SRGAP2C: variants seen among roughly 807,000 people sequenced by gnomAD.
The protein encoded by SRGAP2C is SLIT-ROBO Rho GTPase-activating protein 2C.
In SRGAP2C, 15 loss-of-function variants were observed where a neutral mutation model predicts 25.1. The ratio of observed to expected loss-of-function variants is 0.60; its 90% confidence interval spans 0.40 to 0.92. SRGAP2C has a LOEUF of 0.92. Ranked by LOEUF, SRGAP2C falls within the 40% of genes least tolerant of loss-of-function variation. The pLI, the probability that SRGAP2C is intolerant of heterozygous loss-of-function variation, is 0.00. For missense variants in SRGAP2C, 144 were observed against 264.4 expected, an observed-to-expected ratio of 0.54 and a Z score of 3.16; for synonymous variants, 44 against 96.6, an observed-to-expected ratio of 0.46 and a Z score of 3.19.
intron 4 of SRGAP2C, among the ~76,000 whole-genome samples, chr1:121,340,862 A>G (rs1314268435): frequency 9.1e-6 from 1 of 109,652 alleles, no homozygotes; most frequent in Non-Finnish European, 1.8e-5. Flanking sequence ...TCATGAGGAC[A>G]GTCTGACAGC....
intron 4 of SRGAP2C, among the ~76,000 whole-genome samples, chr1:121,349,221 A>G (rs1658841109): frequency 1.3e-5 from 2 of 152,016 alleles, no homozygotes; most frequent in Non-Finnish European, 2.9e-5. Context: ...TAATTCCAGG[A>G]CAGGGTAATA....
chr1:121,345,582 G>A (rs1479197801), intron 4 of SRGAP2C, among the ~76,000 whole-genome samples: 2 of 151,378 alleles, frequency 1.3e-5, no homozygotes, highest in African/African-American at 4.8e-5. Flanking sequence ...GAAAAATTCT[G>A]AAATGGGGGA....
chr1:121,186,691 C>CCCT (rs1260877053), intron 1 of SRGAP2C, among the ~76,000 whole-genome samples: 1 of 149,100 alleles, frequency 6.7e-6, no homozygotes, highest in African/African-American at 2.4e-5. Flanking sequence ...CCCGCGCAGG[C>CCCT]GGCTGCTCCA....
chr1:121,366,923 T>A (rs1659338425), intron 5 of SRGAP2C, among the ~76,000 whole-genome samples: 1 of 108,846 alleles, frequency 9.2e-6, no homozygotes, highest in Non-Finnish European at 2.0e-5. Context: ...CCTATGTCTC[T>A]TCATATGCTG....
At chr1:121,266,093 G>A (rs1222010808) in intron 2 of SRGAP2C, among the ~76,000 whole-genome samples, 3 of 151,652 alleles carry the variant, frequency 2.0e-5, no homozygotes, top group African/African-American at 7.3e-5. Flanking sequence ...TCATGCCTCA[G>A]ACTCCCGAGT....
chr1:121,337,606 T>C (rs1658545533), intron 4 of SRGAP2C, among the ~76,000 whole-genome samples: 1 of 151,466 alleles, frequency 6.6e-6, no homozygotes, highest in Admixed American at 6.6e-5. Context: ...TACTCCAGCA[T>C]GGGTGACAGA....
At chr1:121,335,795 G>C (rs1374369962) in intron 4 of SRGAP2C, among the ~76,000 whole-genome samples, 1 of 150,292 alleles carries the variant, frequency 6.7e-6, no homozygotes, top group Non-Finnish European at 1.5e-5. Flanking sequence ...GACATTATCT[G>C]TGGGTCTGTT....
chr1:121,295,734 T>TTCGTTG (rs1425362653), intron 3 of SRGAP2C, among the ~76,000 whole-genome samples: 95 of 150,072 alleles, frequency 6.3e-4, no homozygotes, highest in Admixed American at 1.9e-3. Flanking sequence ...CTTTTTTGTT[T>TTCGTTG]TTGTTGTTGT....
At chr1:121,280,547 C>T (rs1657218068) in intron 2 of SRGAP2C, among the ~76,000 whole-genome samples, 1 of 151,594 alleles carries the variant, frequency 6.6e-6, no homozygotes. Context: ...TGCCTCCATA[C>T]AGGAAAGGCT....
intron 3 of SRGAP2C, among the ~76,000 whole-genome samples, chr1:121,285,400 T>A (rs1235317050): frequency 5.4e-4 from 35 of 64,516 alleles, no homozygotes; most frequent in Middle Eastern, 6.6e-3. Flanking sequence ...TGTCTCTCTC[T>A]CTCTCACACA....
chr1:121,273,732 C>T (rs1553335676), intron 2 of SRGAP2C, among the ~76,000 whole-genome samples: 1 of 151,890 alleles, frequency 6.6e-6, no homozygotes, highest in Non-Finnish European at 1.5e-5. Context: ...TTTCATTCTT[C>T]AATTTCTATC....
At chr1:121,201,865 G>A (rs1654988768) in intron 2 of SRGAP2C, among the ~76,000 whole-genome samples, 2 of 152,196 alleles carry the variant, frequency 1.3e-5, no homozygotes, top group South Asian at 4.1e-4. Flanking sequence ...ATTTGGAGTA[G>A]GAGTGAGGAG....
intron 5 of SRGAP2C, among the ~76,000 whole-genome samples, chr1:121,368,648 G>A (rs1348200179): frequency 6.7e-6 from 1 of 149,634 alleles, no homozygotes; most frequent in Non-Finnish European, 1.5e-5. Context: ...GGGAAGCTGG[G>A]ACTGTTACAT....
At chr1:121,339,125 G>A (rs1177987793) in intron 4 of SRGAP2C, among the ~76,000 whole-genome samples, 2 of 151,022 alleles carry the variant, frequency 1.3e-5, no homozygotes, top group African/African-American at 2.4e-5. Flanking sequence ...TTTAACATTT[G>A]GAGAAGCATT....
At position 121,243,035 on chromosome 1, in the gene SRGAP2C, T is replaced by TA. The variant is rs1456618330; in HGVS notation, c.68-41760dup. Among the ~76,000 whole-genome samples, 3 of 400 alleles carry TA rather than the reference T, an allele frequency of 7.5e-3. 1 individual carries two copies. Among genetic ancestry groups the TA allele is most frequent in the African/African-American group, 0.039 (3 of 76 alleles). 0.3% of individuals were successfully genotyped at this position (400 alleles called of 152,430 possible). ...TAACAGTTTCTGCCAGGTGAGCAGT[T>TA]AAAAAAAAGGCAGACTGGAAAAATA... is the stretch of plus-strand genomic sequence containing the variant. On this transcript the variant is annotated intron_variant, in intron 2 of 9. Transcript: ENST00000367123.
intron 2 of SRGAP2C, among the ~76,000 whole-genome samples, chr1:121,263,314 ACT>A (rs1245830502): frequency 6.6e-6 from 1 of 150,792 alleles, no homozygotes; most frequent in Non-Finnish European, 1.5e-5. Context: ...ACAAAGCAAG[ACT>A]CTGTCTCAAA....
intron 2 of SRGAP2C, among the ~76,000 whole-genome samples, chr1:121,204,650 T>A (rs587690875): frequency 4.9e-4 from 75 of 152,258 alleles, no homozygotes; most frequent in African/African-American, 1.7e-3. Context: ...TCCTTTTATA[T>A]TCTGTTTACT....
chr1:121,288,888 C>T (rs1335925544), intron 3 of SRGAP2C, among the ~76,000 whole-genome samples: 11 of 73,262 alleles, frequency 1.5e-4, no homozygotes, highest in East Asian at 6.4e-4. Flanking sequence ...AGGTTCTCCA[C>T]GTCCTCACTA....
At chr1:121,235,939 GC>G (rs1194136385) in intron 2 of SRGAP2C, among the ~76,000 whole-genome samples, 3 of 102,868 alleles carry the variant, frequency 2.9e-5, no homozygotes, top group African/African-American at 4.2e-5. Flanking sequence ...TTGCATTTGA[GC>G]CCATTGTAGT....
Sources: gnomAD v4.1 joint callset for allele counts (sites outside exome capture counted in the v4.1 genomes callset) on GRCh38, gnomAD v4.1.1 for gene constraint, MANE v1.5 for transcripts, NCBI Gene and HGNC (gene_info 2026-07-23, HGNC 2026-07-21) for gene names.